The following NFIB variants were observed in gnomAD, a reference collection of about 807,000 sequenced individuals.
NFIB encodes the protein nuclear factor I B.
A neutral mutation model predicts 61.5 loss-of-function variants in NFIB; 11 were observed. That is an observed-to-expected ratio of 0.18 (90% confidence interval 0.11 to 0.30). The LOEUF is 0.30. Ranked by LOEUF, NFIB falls within the 10% of genes least tolerant of loss-of-function variation. The probability of loss-of-function intolerance (pLI) is 1.00; values close to 1 mark genes in which losing one functional copy is unlikely to be tolerated. For missense variants in NFIB, 471 were observed against 608.9 expected (o/e 0.77, Z 2.38); for synonymous variants, 260 against 216.5 (o/e 1.20, Z -1.76).
At chr9:14,398,407 G>C in intron 1 of NFIB, 2 of 690,468 alleles carry the variant, frequency 2.9e-6, no homozygotes, top group Middle Eastern at 2.5e-4. Flanking sequence ...CCCTGCAACA[G>C]GAAGGACCTT....
At chr9:14,104,320 TG>T (rs1346408353) in intron 10 of NFIB, among the ~76,000 whole-genome samples, 1 of 152,186 alleles carries the variant, frequency 6.6e-6, no homozygotes, top group Non-Finnish European at 1.5e-5. Flanking sequence ...AAGAAGTAAA[TG>T]TGTTCAGTCT....
At chr9:14,206,184 T>A (rs1438475509) in intron 2 of NFIB, among the ~76,000 whole-genome samples, 2 of 151,992 alleles carry the variant, frequency 1.3e-5, no homozygotes, top group Non-Finnish European at 2.9e-5. Context: ...TCTCTTTTTT[T>A]TTTTTTTCTT....
chr9:14,270,340 A>G (rs890716357), intron 2 of NFIB, among the ~76,000 whole-genome samples: 1 of 152,092 alleles, frequency 6.6e-6, no homozygotes, highest in Non-Finnish European at 1.5e-5. Flanking sequence ...CTTGTGGCAC[A>G]TAGTCAGTTG....
intron 1 of NFIB, among the ~76,000 whole-genome samples, chr9:14,394,656 G>A (rs1042633975): frequency 6.6e-6 from 1 of 152,140 alleles, no homozygotes; most frequent in Non-Finnish European, 1.5e-5. Flanking sequence ...AGATTTGGGT[G>A]GGGACACAAC....
At chr9:14,365,455 T>G (rs905526751) in intron 1 of NFIB, among the ~76,000 whole-genome samples, 2 of 152,212 alleles carry the variant, frequency 1.3e-5, no homozygotes, top group African/African-American at 4.8e-5. Context: ...GTGTTCCTGT[T>G]GATTTGTAGA....
At chr9:14,422,660 T>C in the NFIB span, among the ~76,000 whole-genome samples, 45 of 152,360 alleles carry the variant, frequency 3.0e-4, 1 homozygote, top group East Asian at 5.4e-3. Context: ...AGGATTCAGA[T>C]TGGCTCAGCA....
At chr9:14,411,439 T>C in the NFIB span, among the ~76,000 whole-genome samples, 1 of 152,188 alleles carries the variant, frequency 6.6e-6, no homozygotes, top group Non-Finnish European at 1.5e-5. Context: ...GAATTTAGTA[T>C]ATTCTCATCC....
the NFIB span, among the ~76,000 whole-genome samples, chr9:14,405,555 T>C: frequency 1.3e-5 from 2 of 152,214 alleles, no homozygotes; most frequent in East Asian, 3.8e-4. Context: ...GCCAAGTGCA[T>C]GCTGATTCTT....
intron 2 of NFIB, among the ~76,000 whole-genome samples, chr9:14,191,632 G>C (rs1404089872): frequency 2.0e-5 from 3 of 152,092 alleles, no homozygotes; most frequent in South Asian, 2.1e-4. Flanking sequence ...CAAATCCAAA[G>C]AGTATGAAAA....
At chr9:14,393,372 C>T (rs2061647807) in intron 1 of NFIB, among the ~76,000 whole-genome samples, 2 of 152,180 alleles carry the variant, frequency 1.3e-5, no homozygotes, top group South Asian at 4.1e-4. Context: ...ATTCCTTCTA[C>T]TTCATTCATT....
chr9:14,380,379 A>G (rs145023311), intron 1 of NFIB, among the ~76,000 whole-genome samples: 10 of 152,360 alleles, frequency 6.6e-5, no homozygotes, highest in Admixed American at 1.3e-4. Context: ...TGCTTGCCTA[A>G]TACTTTCACC....
intron 2 of NFIB, among the ~76,000 whole-genome samples, chr9:14,302,428 TTTA>T (rs1441809022): frequency 1.2e-4 from 19 of 152,194 alleles, no homozygotes; most frequent in Admixed American, 5.9e-4. Flanking sequence ...TATTATAACA[TTTA>T]ACAATAAAGC....
At chr9:14,099,380 T>G (rs1277047968) in intron 10 of NFIB, among the ~76,000 whole-genome samples, 3 of 152,220 alleles carry the variant, frequency 2.0e-5, no homozygotes, top group African/African-American at 4.8e-5. Flanking sequence ...GCCCTGAAGA[T>G]TTTAGATGTC....
intron 2 of NFIB, among the ~76,000 whole-genome samples, chr9:14,208,691 T>C (rs1432343037): frequency 6.6e-6 from 1 of 152,196 alleles, no homozygotes; most frequent in Non-Finnish European, 1.5e-5. Flanking sequence ...TCCCTCATTT[T>C]AGGTACTTGG....
upstream of NFIB, among the ~76,000 whole-genome samples, chr9:14,315,832 G>A (rs545398535): frequency 1.3e-5 from 2 of 151,894 alleles, no homozygotes; most frequent in East Asian, 2.0e-4. Flanking sequence ...ACAATGGAGG[G>A]AGGAAAAGTG....
At chr9:14,176,536 C>A (rs1004760093) in intron 3 of NFIB, among the ~76,000 whole-genome samples, 27 of 151,994 alleles carry the variant, frequency 1.8e-4, no homozygotes, top group African/African-American at 6.3e-4. Context: ...CTTAAAAGCT[C>A]TATAAAATAA....
chr9:14,328,629 AAT>A (rs138131418), intron 1 of NFIB, among the ~76,000 whole-genome samples: 60 of 150,888 alleles, frequency 4.0e-4, no homozygotes, highest in East Asian at 2.5e-3. Flanking sequence ...GCTTATATGT[AAT>A]ATATATATAT....
the NFIB span, among the ~76,000 whole-genome samples, chr9:14,472,938 C>T: frequency 6.6e-6 from 1 of 152,162 alleles, no homozygotes; most frequent in South Asian, 2.1e-4. Context: ...CTTTGAGAAG[C>T]ACTGCTCTAG....
intron 2 of NFIB, among the ~76,000 whole-genome samples, chr9:14,220,298 T>C (rs1247190025): frequency 1.3e-5 from 2 of 152,100 alleles, no homozygotes; most frequent in East Asian, 1.9e-4. Flanking sequence ...CAACTCTAAT[T>C]AGTACACGCT....
Sources: gnomAD v4.1 joint callset for allele counts (sites outside exome capture counted in the v4.1 genomes callset) on GRCh38, gnomAD v4.1.1 for gene constraint, MANE v1.5 for transcripts, NCBI Gene and HGNC (gene_info 2026-07-23, HGNC 2026-07-21) for gene names.